Variants in VPS13B observed in about 807,000 individuals in gnomAD.
VPS13B encodes intermembrane lipid transfer protein VPS13B.
Under a neutral mutation model 426.4 loss-of-function variants are expected in VPS13B, and 285 were observed. That is an observed-to-expected ratio of 0.67 (90% confidence interval 0.61 to 0.74). The LOEUF is 0.74. Ranked by LOEUF, VPS13B falls within the 30% of genes least tolerant of loss-of-function variation. The pLI, the probability that VPS13B is intolerant of heterozygous loss-of-function variation, is 0.00. For missense variants in VPS13B, 4,537 were observed against 4,782.6 expected (o/e 0.95, Z 1.51); for synonymous variants, 1,676 against 1,676.4 (o/e 1.00, Z 0.01).
rs551311155 is a variant in VPS13B at position 99,442,733 on chromosome 8, C to T, written c.3445+98C>T. Reference sequence around the variant, plus strand: ...TGTGTCAGTGTATAAGCAAATCAGTCTTCTCATTGAAAGATTTTTCCTGAC... The same window carrying T: ...TGTGTCAGTGTATAAGCAAATCAGTTTTCTCATTGAAAGATTTTTCCTGAC... On this transcript the variant is annotated intron_variant, in intron 23 of 61. Transcript: ENST00000357162. 5 of 1,250,296 alleles carry T rather than the reference C, an allele frequency of 4.0e-6. No homozygotes were observed. The South Asian group carries it at 6.7e-5, about 17-fold the overall frequency. The allele number at this position is 1,250,296 out of a possible 1,614,324, so 77.5% of individuals were successfully genotyped here. A position where few individuals can be genotyped will look rare whatever the true frequency, so the allele number is the denominator to read the frequency against.
chr8:99,641,672 C>A, intron 33 of VPS13B, 139 bp from the exon 34 acceptor site: 8 of 802,532 alleles, frequency 1.0e-5, no homozygotes, highest in Non-Finnish European at 1.3e-5. Context: ...GGCACCTATT[C>A]TATTTTTCTG....
chr8:99,361,631 G>A (rs895664552), intron 19 of VPS13B, among the ~76,000 whole-genome samples: 1 of 152,010 alleles, frequency 6.6e-6, no homozygotes, highest in African/African-American at 2.4e-5. Flanking sequence ...CTCTCCTTGC[G>A]CACAGGACAC....
chr8:99,709,969 A>T (rs1588644329), intron 36 of VPS13B, among the ~76,000 whole-genome samples: 1 of 152,214 alleles, frequency 6.6e-6, no homozygotes, highest in African/African-American at 2.4e-5. Context: ...TCAGAATTTA[A>T]AGTTTTTAAA....
intron 33 of VPS13B, among the ~76,000 whole-genome samples, chr8:99,636,325 G>T (rs976582153): frequency 3.3e-5 from 5 of 151,868 alleles, no homozygotes; most frequent in Admixed American, 3.3e-4. Context: ...CATTTAAATA[G>T]TTCTTAAACA....
chr8:99,324,080 G>T (rs1810119982), intron 19 of VPS13B, among the ~76,000 whole-genome samples: 1 of 152,150 alleles, frequency 6.6e-6, no homozygotes, highest in Non-Finnish European at 1.5e-5. Context: ...CTTGCGGGAG[G>T]TCTTTGTAGA....
At chr8:99,251,444 C>T (rs1817505552) in intron 17 of VPS13B, among the ~76,000 whole-genome samples, 1 of 151,752 alleles carries the variant, frequency 6.6e-6, no homozygotes, top group South Asian at 2.1e-4. Flanking sequence ...CTTCTTTAGC[C>T]TGTTCATATG....
In VPS13B at chr8:99,364,457, A is replaced by G. The variant is rs1386772819; in HGVS notation, c.2825-19751A>G. ...TTTTTTTGTTTTTGTTTTTGAGACA[A>G]GGTCTCACTCTGTCACCCAGGCTGG... On this transcript the variant is annotated intron_variant, in intron 19 of 61. Coordinates refer to ENST00000357162, the MANE Select transcript of VPS13B (RefSeq NM_152564.5). Among the ~76,000 whole-genome samples the G allele has an allele frequency of 2.6e-5, 4 of 151,956 alleles. No individual in the cohort carries two copies. In the South Asian group the frequency reaches 6.2e-4, roughly 24 times the overall value.
At chr8:99,324,035 G>T (rs1270672481) in intron 19 of VPS13B, among the ~76,000 whole-genome samples, 2 of 152,178 alleles carry the variant, frequency 1.3e-5, no homozygotes, top group Non-Finnish European at 2.9e-5. Flanking sequence ...CAAGCATCCA[G>T]ATATGAGCAA....
intron 19 of VPS13B, among the ~76,000 whole-genome samples, chr8:99,365,539 C>A (rs12234903): frequency 7.6e-6 from 1 of 131,976 alleles, no homozygotes; most frequent in Admixed American, 7.9e-5. Flanking sequence ...TTTTTTGAGG[C>A]GGAGTCTCGC....
At chr8:99,216,428 G>T (rs10088152) in intron 17 of VPS13B, among the ~76,000 whole-genome samples, 125,669 of 151,912 alleles carry the variant, frequency 0.83, 52,500 homozygotes, top group South Asian at 0.89. Flanking sequence ...CTTTCAATTG[G>T]ATTATAATTG....
At chr8:99,280,982 T>A (rs1461929702) in intron 19 of VPS13B, among the ~76,000 whole-genome samples, 1 of 152,162 alleles carries the variant, frequency 6.6e-6, no homozygotes, top group Non-Finnish European at 1.5e-5. Flanking sequence ...CAGAGACAAG[T>A]CTCTATAGCA....
chr8:99,043,192 T>C (rs1217934678), intron 3 of VPS13B, among the ~76,000 whole-genome samples: 1 of 152,130 alleles, frequency 6.6e-6, no homozygotes, highest in East Asian at 1.9e-4. Context: ...ATAGGATTTT[T>C]TATTTACTGG....
intron 15 of VPS13B, among the ~76,000 whole-genome samples, chr8:99,168,393 T>C (rs1385689763): frequency 6.6e-6 from 1 of 152,130 alleles, no homozygotes; most frequent in Admixed American, 6.5e-5. Flanking sequence ...ATTATACTGT[T>C]GGGGCATTTA....
chr8:99,064,636 T>A (rs1587985855), intron 3 of VPS13B, among the ~76,000 whole-genome samples: 1 of 152,326 alleles, frequency 6.6e-6, no homozygotes, highest in East Asian at 1.9e-4. Context: ...TTTTGATTAG[T>A]GTACCTGAAA....
intron 17 of VPS13B, among the ~76,000 whole-genome samples, chr8:99,207,933 C>A (rs1392609488): frequency 1.3e-5 from 2 of 152,120 alleles, no homozygotes; most frequent in African/African-American, 2.4e-5. Context: ...AATGTAGAAT[C>A]TTCTGTGTCA....
At chr8:99,505,747 T>C (rs1821465137) in intron 27 of VPS13B, among the ~76,000 whole-genome samples, 1 of 152,170 alleles carries the variant, frequency 6.6e-6, no homozygotes, top group African/African-American at 2.4e-5. Context: ...ACGCTGCTGA[T>C]GGATTTACTC....
At chr8:99,782,514 A>AT (rs1392509768) in intron 42 of VPS13B, among the ~76,000 whole-genome samples, 3 of 151,952 alleles carry the variant, frequency 2.0e-5, no homozygotes, top group African/African-American at 7.2e-5. Context: ...CTGCTCTTAA[A>AT]ACCAACCTTA....
intron 17 of VPS13B, among the ~76,000 whole-genome samples, chr8:99,271,641 C>G (rs993064948): frequency 7.9e-5 from 12 of 152,198 alleles, no homozygotes; most frequent in African/African-American, 2.7e-4. Context: ...GATTGACTCA[C>G]AGTTCCACAT....
At position 99,135,151 on chromosome 8, in the gene VPS13B, C is replaced by T. The variant is rs1336315374; in HGVS notation, c.1425+14C>T. 7.4e-6 allele frequency: 12 copies of T among 1,612,654 alleles called. No individual in the cohort carries two copies. Among genetic ancestry groups the T allele is most frequent in the Non-Finnish European group, 1.0e-5 (12 of 1,179,110 alleles). ...AGAAGTGAAACTGTAAGTCCGTTTC[C>T]TCCATCCTTTTTTGGATAGGATATA... On this transcript the variant is annotated intron_variant, in intron 10 of 61. Coordinates refer to ENST00000357162, the MANE Select transcript of VPS13B (RefSeq NM_152564.5).
Sources: gnomAD v4.1 joint callset for allele counts (sites outside exome capture counted in the v4.1 genomes callset) on GRCh38, gnomAD v4.1.1 for gene constraint, MANE v1.5 for transcripts, NCBI Gene and HGNC (gene_info 2026-07-23, HGNC 2026-07-21) for gene names.